Variants in CCDC7 observed in about 807,000 individuals in gnomAD.
CCDC7 encodes the protein coiled-coil domain-containing protein 7.
Under a neutral mutation model 196.9 loss-of-function variants are expected in CCDC7, and 183 were observed. That is an observed-to-expected ratio of 0.93 (90% confidence interval 0.82 to 1.05). The LOEUF is 1.05. CCDC7 is among the 50% of genes least tolerant of loss of function. CCDC7 has a pLI of 0.00. For missense variants in CCDC7, 1,540 were observed against 1,482.2 expected, an observed-to-expected ratio of 1.04 and a Z score of -0.64; for synonymous variants, 525 against 484.6, an observed-to-expected ratio of 1.08 and a Z score of -1.10.
At chr10:32,455,644 A>C (rs1424168284) in intron 2 of CCDC7, among the ~76,000 whole-genome samples, 1 of 152,084 alleles carries the variant, frequency 6.6e-6, no homozygotes, top group African/African-American at 2.4e-5. Flanking sequence ...ATGCTCAGGG[A>C]ATATATTCTT....
At chr10:32,629,412 C>A (rs2064514941) in intron 18 of CCDC7, among the ~76,000 whole-genome samples, 1 of 151,980 alleles carries the variant, frequency 6.6e-6, no homozygotes, top group South Asian at 2.1e-4. Flanking sequence ...CTCAGGAGTT[C>A]AGAGCTGTGT....
chr10:32,474,298 ACTG>A (rs1356245162), intron 8 of CCDC7, among the ~76,000 whole-genome samples: 1 of 130,680 alleles, frequency 7.7e-6, no homozygotes, highest in Non-Finnish European at 1.5e-5. Flanking sequence ...ATCTCAGCTC[ACTG>A]CAACCTCTGC....
At chr10:32,704,278 A>G (rs2079304575) in intron 24 of CCDC7, among the ~76,000 whole-genome samples, 1 of 152,148 alleles carries the variant, frequency 6.6e-6, no homozygotes. Flanking sequence ...GGTCCACTCC[A>G]GGCCCTGTTT....
intron 27 of CCDC7, 110 bp downstream of exon 28, chr10:32,729,107 C>G (rs1311516461): frequency 1.1e-6 from 1 of 895,986 alleles, no homozygotes; most frequent in Non-Finnish European, 1.7e-6. Context: ...CAACTTTTAA[C>G]TTTGACCTAA....
intron 20 of CCDC7, among the ~76,000 whole-genome samples, chr10:32,663,036 T>A (rs1295872572): frequency 6.6e-6 from 1 of 152,126 alleles, no homozygotes; most frequent in African/African-American, 2.4e-5. Context: ...AAAGAGAGGT[T>A]CTCATATGTA....
intron 33 of CCDC7, among the ~76,000 whole-genome samples, chr10:32,837,312 A>G (rs2073078684): frequency 6.6e-6 from 1 of 152,196 alleles, no homozygotes; most frequent in Non-Finnish European, 1.5e-5. Context: ...CAGCCAAAAG[A>G]CACATGAAAA....
chr10:32,669,895 T>C (rs920098443), intron 21 of CCDC7, among the ~76,000 whole-genome samples: 10 of 152,198 alleles, frequency 6.6e-5, no homozygotes, highest in African/African-American at 2.2e-4. Context: ...TGTATTGTTA[T>C]ACGTGAATTC....
At chr10:32,638,806 T>C (rs1339838204) in intron 20 of CCDC7, among the ~76,000 whole-genome samples, 6 of 152,234 alleles carry the variant, frequency 3.9e-5, no homozygotes, top group Non-Finnish European at 5.9e-5. Flanking sequence ...GAAGGAATGG[T>C]ACCAGCTTCT....
chr10:32,577,668 G>A (rs1276876881), intron 16 of CCDC7, among the ~76,000 whole-genome samples: 2 of 152,182 alleles, frequency 1.3e-5, no homozygotes, highest in Non-Finnish European at 2.9e-5. Flanking sequence ...TTTCAGGCAA[G>A]TGCCTTACTG....
intron 18 of CCDC7, among the ~76,000 whole-genome samples, chr10:32,592,067 A>G (rs998694468): frequency 1.3e-5 from 2 of 152,152 alleles, no homozygotes; most frequent in African/African-American, 4.8e-5. Flanking sequence ...CAGATTTTCT[A>G]TTCATGATTT....
chr10:32,774,908 A>G (rs1236338590), intron 28 of CCDC7, among the ~76,000 whole-genome samples: 2 of 152,172 alleles, frequency 1.3e-5, no homozygotes, highest in South Asian at 2.1e-4. Context: ...CAGGTTTGGT[A>G]TCATATTATT....
intron 28 of CCDC7, among the ~76,000 whole-genome samples, chr10:32,752,400 A>G (rs986550979): frequency 2.0e-4 from 30 of 152,186 alleles, no homozygotes; most frequent in African/African-American, 6.3e-4. Context: ...CAAGTCTTCA[A>G]CTGATTACCT....
chr10:32,828,561 A>G (rs565502891), intron 32 of CCDC7, among the ~76,000 whole-genome samples: 28 of 142,742 alleles, frequency 2.0e-4, no homozygotes, highest in African/African-American at 5.9e-4. Flanking sequence ...AGAAGAAGAA[A>G]GAAGAAGAAG....
intron 24 of CCDC7, among the ~76,000 whole-genome samples, chr10:32,711,073 C>T (rs1053596165): frequency 1.3e-5 from 2 of 151,922 alleles, no homozygotes; most frequent in Admixed American, 1.3e-4. Flanking sequence ...CACATAGATA[C>T]ACATAATTAT....
chr10:32,632,276 C>T (rs2064988751), intron 18 of CCDC7, among the ~76,000 whole-genome samples: 1 of 151,366 alleles, frequency 6.6e-6, no homozygotes, highest in South Asian at 2.1e-4. Flanking sequence ...ATGAAATTCC[C>T]TTTCATTTTC....
At chr10:32,705,297 T>C (rs1222313528) in intron 24 of CCDC7, among the ~76,000 whole-genome samples, 2 of 152,006 alleles carry the variant, frequency 1.3e-5, no homozygotes, top group South Asian at 2.1e-4. Context: ...CAGGCCTGCC[T>C]TACAAAAGCT....
intron 29 of CCDC7, among the ~76,000 whole-genome samples, chr10:32,796,851 A>T (rs1190024048): frequency 6.6e-6 from 1 of 152,198 alleles, no homozygotes; most frequent in Non-Finnish European, 1.5e-5. Flanking sequence ...ATCCCAGGAC[A>T]AATTGGGAAT....
At chr10:32,758,422 C>G (rs1374368537) in intron 28 of CCDC7, among the ~76,000 whole-genome samples, 1 of 152,148 alleles carries the variant, frequency 6.6e-6, no homozygotes, top group South Asian at 2.1e-4. Context: ...GGCTTCATCC[C>G]TGCGATGGAA....
chr10:32,578,977 C>G lies in CCDC7; in HGVS notation c.1455-4057C>G, dbSNP rs1341277579. Among the ~76,000 whole-genome samples, 3 of 152,124 alleles carry G rather than the reference C, an allele frequency of 2.0e-5. No individual in the cohort carries two copies. The East Asian group carries it at 5.8e-4, about 29-fold the overall frequency. ...CAGTGTGATATAATATCTGGAGATT[C>G]TAGCAATGCACATTTTACTGGGTTT... On this transcript the variant is annotated intron_variant, in intron 16 of 41. Coordinates refer to ENST00000639629, the Ensembl canonical transcript of CCDC7.
Sources: gnomAD v4.1 joint callset for allele counts (sites outside exome capture counted in the v4.1 genomes callset) on GRCh38, gnomAD v4.1.1 for gene constraint, MANE v1.5 for transcripts, NCBI Gene and HGNC (gene_info 2026-07-23, HGNC 2026-07-21) for gene names.